Variants in GALNT14 observed in about 807,000 individuals in gnomAD.
The protein encoded by GALNT14 is UDP-GalNAc:polypeptide N-acetylgalactosaminyltransferase 14.
In GALNT14, 60 loss-of-function variants were observed where a neutral mutation model predicts 77.5. The observed-to-expected ratio is 0.77, with a 90% CI of 0.63 to 0.96. The LOEUF is 0.96. Ranked by LOEUF, GALNT14 falls within the 40% of genes least tolerant of loss-of-function variation. The pLI is 0.00. For synonymous variants in GALNT14, 280 were observed against 281.7 expected (o/e 0.99, Z 0.06); for missense variants, 710 against 731.0 (o/e 0.97, Z 0.33).
At chr2:31,093,283 T>G (rs1401196826) in intron 1 of GALNT14, among the ~76,000 whole-genome samples, 1 of 152,218 alleles carries the variant, frequency 6.6e-6, no homozygotes, top group Admixed American at 6.5e-5. Context: ...AGTCCCTGGC[T>G]CCAAACTCTT....
At chr2:31,081,316 T>C (rs575401054) in intron 1 of GALNT14, among the ~76,000 whole-genome samples, 17 of 152,348 alleles carry the variant, frequency 1.1e-4, no homozygotes, top group Non-Finnish European at 1.5e-5. Context: ...TACAGCTATT[T>C]CTTCTCTACA....
At chr2:30,917,326 A>C (rs1383093427) in intron 13 of GALNT14, among the ~76,000 whole-genome samples, 15 of 152,140 alleles carry the variant, frequency 9.9e-5, no homozygotes, top group Admixed American at 9.8e-4. Context: ...GGATGCTGCT[A>C]AACATCCCAT....
chr2:30,901,241 G>C, the GALNT14 span, among the ~76,000 whole-genome samples: 1 of 152,116 alleles, frequency 6.6e-6, no homozygotes, highest in South Asian at 2.1e-4. Flanking sequence ...AAATTACAAA[G>C]TACAGAAGGA....
intron 1 of GALNT14, among the ~76,000 whole-genome samples, chr2:31,014,773 C>T (rs17010549): frequency 6.6e-6 from 1 of 152,006 alleles, no homozygotes; most frequent in Non-Finnish European, 1.5e-5. Context: ...AGCACCCCTG[C>T]GTTTACCATG....
chr2:31,135,773 T>C (rs888054608), intron 1 of GALNT14, among the ~76,000 whole-genome samples: 13 of 152,332 alleles, frequency 8.5e-5, no homozygotes, highest in African/African-American at 3.1e-4. Flanking sequence ...CTGCAACTTA[T>C]GTGGCCCCCC....
rs771560318 is a variant in GALNT14, at chr2:30,993,018, C to A, written c.130-11G>T. On this transcript the variant is annotated splice_polypyrimidine_tract_variant and intron_variant, in intron 1 of 14. Coordinates refer to ENST00000349752, the MANE Select transcript of GALNT14 (RefSeq NM_024572.4). ...GTCAGCGTCCGAAGGCTGCGTGACA[C>A]GAATGGGAAGTCTGTGAGAACGGCT... is the stretch of plus-strand genomic sequence containing the variant. 1.9e-6 allele frequency: 3 copies of A among 1,613,430 alleles called. No homozygotes were observed. Among genetic ancestry groups the A allele is most frequent in the Non-Finnish European group, 2.5e-6 (3 of 1,179,764 alleles).
At chr2:30,897,699 G>A in the GALNT14 span, among the ~76,000 whole-genome samples, 2 of 152,220 alleles carry the variant, frequency 1.3e-5, no homozygotes, top group Non-Finnish European at 2.9e-5. Flanking sequence ...GGGCTCAGCA[G>A]AGGAGGCCGG....
chr2:30,895,996 A>G, the GALNT14 span, among the ~76,000 whole-genome samples: 1 of 152,218 alleles, frequency 6.6e-6, no homozygotes, highest in East Asian at 1.9e-4. Flanking sequence ...TCTGCCATAT[A>G]TCACCTGGGC....
chr2:30,953,305 C>CTTT (rs34668885), intron 6 of GALNT14, among the ~76,000 whole-genome samples: 45 of 117,078 alleles, frequency 3.8e-4, no homozygotes, highest in African/African-American at 1.0e-3. Flanking sequence ...AATTTCCTTC[C>CTTT]TTTTTTTTTT....
chr2:31,074,417 T>C (rs955237744), intron 1 of GALNT14, among the ~76,000 whole-genome samples: 1 of 152,072 alleles, frequency 6.6e-6, no homozygotes, highest in African/African-American at 2.4e-5. Context: ...ATTTTTTTTT[T>C]TGCTTAAAAC....
intron 1 of GALNT14, among the ~76,000 whole-genome samples, chr2:31,031,865 A>G (rs550471038): frequency 2.5e-3 from 381 of 152,248 alleles, no homozygotes; most frequent in Non-Finnish European, 4.1e-3. Flanking sequence ...GCATGGCTGG[A>G]CACAAAATGC....
chr2:30,959,429 A>G (rs1307111233), intron 3 of GALNT14, among the ~76,000 whole-genome samples: 1 of 152,126 alleles, frequency 6.6e-6, no homozygotes, highest in African/African-American at 2.4e-5. Context: ...CTGAACACCT[A>G]CTATGTGCTC....
intron 11 of GALNT14, among the ~76,000 whole-genome samples, chr2:30,928,316 G>A (rs1665512108): frequency 6.6e-6 from 1 of 152,170 alleles, no homozygotes; most frequent in South Asian, 2.1e-4. Flanking sequence ...ATGACAAAAA[G>A]CCATTGGTTG....
At chr2:31,034,134 T>G (rs1367709267) in intron 1 of GALNT14, among the ~76,000 whole-genome samples, 1 of 152,176 alleles carries the variant, frequency 6.6e-6, no homozygotes, top group African/African-American at 2.4e-5. Context: ...CCTTTGTGAC[T>G]TCTCAGACCA....
chr2:30,966,342 G>A (rs373324552), intron 2 of GALNT14, 40 bp from the exon 3 acceptor site: 1 of 1,447,234 alleles, frequency 6.9e-7, no homozygotes, highest in South Asian at 1.1e-5. Context: ...GACCTTCAGG[G>A]ACAAAGCATA....
chr2:31,107,150 T>C (rs1215075423), intron 1 of GALNT14, among the ~76,000 whole-genome samples: 1 of 152,200 alleles, frequency 6.6e-6, no homozygotes, highest in Non-Finnish European at 1.5e-5. Context: ...TGCAGTTAGG[T>C]GTCTTCTGGA....
chr2:31,040,501 C>T (rs1573222304), intron 1 of GALNT14, among the ~76,000 whole-genome samples: 1 of 152,126 alleles, frequency 6.6e-6, no homozygotes, highest in Non-Finnish European at 1.5e-5. Flanking sequence ...GAGGCTGGGG[C>T]TCTTCTCACA....
chr2:31,012,013 G>A (rs1671062054), intron 1 of GALNT14, among the ~76,000 whole-genome samples: 1 of 152,204 alleles, frequency 6.6e-6, no homozygotes, highest in African/African-American at 2.4e-5. Flanking sequence ...AAAGAAGGGT[G>A]GGGAACGCCA....
At chr2:31,066,073 G>A (rs1484955037) in intron 1 of GALNT14, among the ~76,000 whole-genome samples, 1 of 152,190 alleles carries the variant, frequency 6.6e-6, no homozygotes, top group Admixed American at 6.5e-5. Context: ...TGATATGTGA[G>A]AGAGATGAGA....
Sources: allele counts gnomAD v4.1 joint callset (sites outside exome capture counted in the v4.1 genomes callset), GRCh38; gene constraint gnomAD v4.1.1; transcripts MANE v1.5; gene names NCBI Gene and HGNC (gene_info 2026-07-23, HGNC 2026-07-21).